ACACB: variants seen among roughly 807,000 people sequenced by gnomAD.
ACACB encodes the protein acetyl-CoA carboxylase 2.
In ACACB, 209 loss-of-function variants were observed where a neutral mutation model predicts 278.8. The ratio of observed to expected loss-of-function variants is 0.75; its 90% CI spans 0.67 to 0.84. The LOEUF is 0.84. Ranked by LOEUF, ACACB falls within the 40% of genes least tolerant of loss-of-function variation. The pLI is 0.00. For missense variants in ACACB, 2,850 were observed against 3,269.0 expected (o/e 0.87, Z 3.13); for synonymous variants, 1,174 against 1,285.6 (o/e 0.91, Z 1.86).
At chr12:109,221,934 G>A (rs754965923) in intron 24 of ACACB, among the ~76,000 whole-genome samples, 62 of 150,176 alleles carry the variant, frequency 4.1e-4, no homozygotes, top group Non-Finnish European at 7.7e-4. Flanking sequence ...CCAGGCTGGA[G>A]TACAGTGGTG....
intron 27 of ACACB, among the ~76,000 whole-genome samples, chr12:109,225,997 G>C (rs1390285970): frequency 6.6e-6 from 1 of 152,048 alleles, no homozygotes; most frequent in East Asian, 1.9e-4. Context: ...GCCAGGTGAG[G>C]TGGCTCATGC....
chr12:109,169,891 CAT>C (rs1382284230), intron 4 of ACACB, among the ~76,000 whole-genome samples: 1 of 152,192 alleles, frequency 6.6e-6, no homozygotes, highest in East Asian at 1.9e-4. Flanking sequence ...GTTTGATAAA[CAT>C]AGGAGGCAGG....
Position 109,139,874 on chromosome 12 carries a change from A to T in ACACB, c.469A>T (p.Ile157Phe). Residue 157 changes from isoleucine to phenylalanine, a missense_variant, in exon 2 of 53, where the codon ATC (isoleucine) becomes TTC (phenylalanine). Physicochemically the swap from Ile to Phe is conservative, Grantham distance 21. Around this residue, in one of 3 missense-constraint regions of ACACB, gnomAD observed 2,265 missense variants for 2,561.3 expected, o/e 0.88. Coordinates refer to ENST00000338432, the MANE Select transcript of ACACB (RefSeq NM_001093.4). ...PSKEDKKQAN[I>F]KRQLMTNFIL... Reference sequence around the variant, plus strand: ...CAAAGAAGACAAGAAGCAGGCAAACATCAAGAGGCAGCTGATGACCAACTT... The same window carrying T: ...CAAAGAAGACAAGAAGCAGGCAAACTTCAAGAGGCAGCTGATGACCAACTT... 6.2e-7 allele frequency: 1 copy of T among 1,614,174 alleles called. No homozygotes were observed. Among genetic ancestry groups the T allele is most frequent in the South Asian group, 1.1e-5 (1 of 91,084 alleles).
At position 109,184,671 on chromosome 12, in the gene ACACB, C is replaced by T. The variant is rs538129258; in HGVS notation, c.1819-908C>T. 4.0e-5 allele frequency among the ~76,000 whole-genome samples: 6 copies of T among 151,166 alleles called. No individual in the cohort carries two copies. The South Asian group carries it at 6.3e-4, about 16-fold the overall frequency. On this transcript the variant is annotated intron_variant, in intron 11 of 52. Transcript: ENST00000338432. ...TAATCTCTTTAATCTGAAAGCATTT[C>T]GTAGTCTTTTTTCATCCTTGACATT...
rs149804999 is a variant in ACACB, at chr12:109,217,976, T to A, written c.3564+1056T>A. 5.5e-4 allele frequency among the ~76,000 whole-genome samples: 84 copies of A among 152,322 alleles called. 1 individual carries two copies. Among genetic ancestry groups the A allele is most frequent in the Middle Eastern group, 3.4e-3 (1 of 294 alleles). The stretch of plus-strand genomic sequence containing the variant: ...TCACGCAGCAGTCCTAGAAAGTGGG[T>A]ACTGCTGTCACAGCTCTTTGGCAGA... On this transcript the variant is annotated intron_variant, in intron 24 of 52. Transcript: ENST00000338432.
intron 13 of ACACB, among the ~76,000 whole-genome samples, chr12:109,190,558 C>T (rs771572728): frequency 5.3e-5 from 8 of 152,210 alleles, no homozygotes; most frequent in Non-Finnish European, 7.3e-5. Context: ...GAGGGTGGCA[C>T]CAGCTCTGGG....
chr12:109,179,657 T>TA (rs900104726), intron 10 of ACACB, among the ~76,000 whole-genome samples: 1 of 151,764 alleles, frequency 6.6e-6, no homozygotes, highest in African/African-American at 2.4e-5. Context: ...TGGCTAATTT[T>TA]AAAAAAAAAT....
rs1207307705 is a variant in ACACB at position 109,191,671 on chromosome 12, GA to G, written c.2205del (p.Glu735AspfsTer46). The G allele has an allele frequency of 3.2e-5, 51 of 1,614,028 alleles. No individual in the cohort carries two copies. The highest frequency in any genetic ancestry group is 4.3e-5 in the Non-Finnish European group (51 of 1,180,012). ...SIRGDFRTTVEYLINLLETES... is the reference protein window; with the variant it reads ...SIRGDFRTTVXYLINLLETES... Reference sequence around the variant, plus strand: ...CCGAGGCGACTTTAGGACTACCGTGGAATACCTCATTAACCTCCTGGAGACC... The same window carrying G: ...CCGAGGCGACTTTAGGACTACCGTGGATACCTCATTAACCTCCTGGAGACC... On this transcript the variant is annotated frameshift_variant, in exon 14 of 53. Coordinates refer to ENST00000338432, the MANE Select transcript of ACACB (RefSeq NM_001093.4). LOFTEE classifies it high-confidence loss of function.
At chr12:109,210,417 GTATA>G (rs1202764650) in intron 21 of ACACB, among the ~76,000 whole-genome samples, 6,850 of 139,692 alleles carry the variant, frequency 0.049, 550 homozygotes, top group African/African-American at 0.14. Context: ...ACACACATGT[GTATA>G]TATGTATATA....
At chr12:109,216,292 G>A (rs1197222799) in intron 22 of ACACB, among the ~76,000 whole-genome samples, 2 of 150,014 alleles carry the variant, frequency 1.3e-5, no homozygotes, top group African/African-American at 4.9e-5. Context: ...TGCGATCTCG[G>A]CTCACTGCAA....
chr12:109,184,638 T>C (rs1192340646), intron 11 of ACACB, among the ~76,000 whole-genome samples: 1 of 152,190 alleles, frequency 6.6e-6, no homozygotes, highest in East Asian at 1.9e-4. Context: ...TTTATTTTCA[T>C]GTGTCTTTAA....
Position 109,239,910 on chromosome 12 carries a change from T to C in ACACB, c.4743T>C (p.Asn1581=), listed in dbSNP as rs150825376. ...TGGACGAGCTGGAGGTGGCGTTCAATAACACCAGCGTGCGCACCGACTGCA... is the reference window on the plus strand; with the variant it reads ...TGGACGAGCTGGAGGTGGCGTTCAACAACACCAGCGTGCGCACCGACTGCA... ...EAMDELEVAF[N]NTSVRTDCNH... The change falls in exon 35 of 53, where the codon AAT becomes AAC. Residue 1581 remains asparagine, a synonymous_variant. Transcript: ENST00000338432. 29 of 1,614,044 alleles carry C rather than the reference T, an allele frequency of 1.8e-5. No homozygotes were observed. Among genetic ancestry groups the C allele is most frequent in the Non-Finnish European group, 2.4e-5 (28 of 1,180,038 alleles).
chr12:109,190,564 C>G (rs1305879060), intron 13 of ACACB, among the ~76,000 whole-genome samples: 2 of 152,130 alleles, frequency 1.3e-5, no homozygotes, highest in Non-Finnish European at 2.9e-5. Context: ...GGCACCAGCT[C>G]TGGGGACAGG....
chr12:109,251,481 C>T (rs1046316164), intron 41 of ACACB, among the ~76,000 whole-genome samples: 1 of 152,128 alleles, frequency 6.6e-6, no homozygotes, highest in Non-Finnish European at 1.5e-5. Flanking sequence ...CTTCCTTGGG[C>T]TTGTTTTCTA....
At chr12:109,222,367 A>C in intron 24 of ACACB, 140 bp from the exon 25 acceptor site, 1 of 696,832 alleles carries the variant, frequency 1.4e-6, no homozygotes, top group Non-Finnish European at 2.5e-6. Context: ...GAGGGTTTGC[A>C]TAACAGGCTG....
chr12:109,191,973 T>G, intron 15 of ACACB, 23 bp downstream of exon 15: 2 of 1,612,144 alleles, frequency 1.2e-6, no homozygotes, highest in Non-Finnish European at 1.7e-6. Flanking sequence ...GCAGTTCCCT[T>G]CTGCTTTTGT....
intron 2 of ACACB, among the ~76,000 whole-genome samples, chr12:109,157,487 G>C (rs759271809): frequency 2.6e-5 from 4 of 152,012 alleles, no homozygotes; most frequent in Non-Finnish European, 5.9e-5. Context: ...TCCCAGGCTG[G>C]TCTTGAACTC....
chr12:109,242,165 G>C (rs1473544306), intron 36 of ACACB: 4 of 378,150 alleles, frequency 1.1e-5, no homozygotes, highest in African/African-American at 4.1e-5. Flanking sequence ...GATTTCACCA[G>C]CGTTTCCATG....
chr12:109,165,002 A>G (rs1020421047), intron 2 of ACACB, among the ~76,000 whole-genome samples: 2 of 152,146 alleles, frequency 1.3e-5, no homozygotes, highest in African/African-American at 4.8e-5. Flanking sequence ...ACTGAAAGGG[A>G]GTCTCCAGGG....
Sources: allele counts gnomAD v4.1 joint callset (sites outside exome capture counted in the v4.1 genomes callset), GRCh38; gene constraint gnomAD v4.1.1; regional missense constraint gnomAD v4.1.1; transcripts MANE v1.5; gene names NCBI Gene and HGNC (gene_info 2026-07-23, HGNC 2026-07-21).